The following REV1 variants were observed in gnomAD, a reference collection of about 807,000 sequenced individuals.
The protein encoded by REV1 is translesion synthesis protein REV1.
In REV1, 42 loss-of-function variants were observed where a neutral mutation model predicts 137.4. That is an observed-to-expected ratio of 0.31 (90% CI 0.24 to 0.40). The LOEUF (loss-of-function observed/expected upper bound fraction) is 0.40, where lower values mean the gene tolerates loss of function less well. REV1 is among the 10% of genes least tolerant of loss of function. The pLI is 1.00. For missense variants in REV1, 1,282 were observed against 1,490.1 expected (o/e 0.86, Z 2.30); for synonymous variants, 524 against 519.2 (o/e 1.01, Z -0.12).
chr2:99,466,091 G>T (rs972876970), intron 1 of REV1, among the ~76,000 whole-genome samples: 1 of 151,730 alleles, frequency 6.6e-6, no homozygotes, highest in Non-Finnish European at 1.5e-5. Context: ...ACAGGTGCCC[G>T]CCACCACGCC....
At chr2:99,412,285 T>C (rs1392334163) in intron 13 of REV1, among the ~76,000 whole-genome samples, 1 of 117,492 alleles carries the variant, frequency 8.5e-6, no homozygotes, top group Non-Finnish European at 1.8e-5. Context: ...AAAAAAAACA[T>C]ATCCAAATCC....
chr2:99,443,413 A>G (rs1681762663), intron 4 of REV1, among the ~76,000 whole-genome samples: 1 of 152,226 alleles, frequency 6.6e-6, no homozygotes, highest in African/African-American at 2.4e-5. Context: ...ATTTTCTTAA[A>G]TGGTGTCACA....
chr2:99,474,307 A>C, intron 1 of REV1, among the ~76,000 whole-genome samples: 1 of 152,212 alleles, frequency 6.6e-6, no homozygotes, highest in East Asian at 1.9e-4. Context: ...AGGGTAGAGA[A>C]GCTAAAAAGT....
chr2:99,410,521 A>G (rs1487868947), intron 14 of REV1, among the ~76,000 whole-genome samples, 174 bp downstream of exon 14: 2 of 152,198 alleles, frequency 1.3e-5, no homozygotes, highest in African/African-American at 4.8e-5. Context: ...CGCTGAAACC[A>G]AGTGCATTAA....
intron 3 of REV1, among the ~76,000 whole-genome samples, chr2:99,454,416 G>T (rs2105013185): frequency 6.6e-6 from 1 of 151,810 alleles, no homozygotes; most frequent in Admixed American, 6.5e-5. Flanking sequence ...TGGATGTGGT[G>T]GCATGCGCCT....
At chr2:99,402,196 T>C (rs773448550) in intron 22 of REV1, 48 bp downstream of exon 22, 2 of 785,932 alleles carry the variant, frequency 2.5e-6, no homozygotes, top group South Asian at 1.6e-5. Flanking sequence ...CCCTCAGCCA[T>C]TGTGACATGC....
At chr2:99,414,290 G>A (rs1342866413) in intron 12 of REV1, among the ~76,000 whole-genome samples, 3 of 152,160 alleles carry the variant, frequency 2.0e-5, no homozygotes, top group African/African-American at 7.2e-5. Flanking sequence ...TATAACACAA[G>A]GTTAGGAAGT....
rs766655273 is a variant in REV1, at chr2:99,424,181, G to C, written c.1647C>G (p.Val549=). The C allele has an allele frequency of 6.2e-7, 1 of 1,613,710 alleles. No homozygotes were observed. The highest frequency in any genetic ancestry group is 8.5e-7 in the Non-Finnish European group (1 of 1,179,842). Residue 549 remains valine, a synonymous_variant, in exon 10 of 23, where the codon GTC becomes GTG. Transcript: ENST00000258428. ...CCAATGTTTCATACAATGTTTGTGC[G>C]ACTTCCTTATATGCATGAAAATCGT... is the stretch of plus-strand genomic sequence containing the variant. ...VPYDFHAYKE[V]AQTLYETLAS... is the part of the protein sequence containing the mutation.
chr2:99,477,552 T>C (rs998711515), intron 1 of REV1, among the ~76,000 whole-genome samples: 1 of 152,250 alleles, frequency 6.6e-6, no homozygotes, highest in African/African-American at 2.4e-5. Context: ...GCTTAGCCTG[T>C]ACCCTAATGC....
At chr2:99,405,568 G>A (rs1676167556) in intron 17 of REV1, 1 of 183,836 alleles carries the variant, frequency 5.4e-6, no homozygotes, top group Non-Finnish European at 1.1e-5. Flanking sequence ...TTCGACATAA[G>A]GCCTCTACTT....
At position 99,424,192 on chromosome 2, in the gene REV1, A is replaced by G. The variant is rs1357310701; in HGVS notation, c.1636T>C (p.Tyr546His). 1.2e-6 allele frequency: 2 copies of G among 1,613,994 alleles called. No homozygotes were observed. The highest frequency in any genetic ancestry group is 1.7e-6 in the Non-Finnish European group (2 of 1,179,864). ...LQAVPYDFHA[Y>H]KEVAQTLYET... ...TACAATGTTTGTGCGACTTCCTTAT[A>G]TGCATGAAAATCGTATGGAACAGCT... The change falls in exon 10 of 23, where the codon TAT becomes CAT. Residue 546 changes from tyrosine (Y) to histidine (H), a missense_variant. Transcript: ENST00000258428.
At chr2:99,471,947 C>A (rs1005358553) in intron 1 of REV1, among the ~76,000 whole-genome samples, 1 of 149,178 alleles carries the variant, frequency 6.7e-6, no homozygotes, top group Non-Finnish European at 1.5e-5. Context: ...ATTGGGCCCC[C>A]GAGCCCTGTT....
At chr2:99,447,024 A>G (rs537689283) in intron 4 of REV1, among the ~76,000 whole-genome samples, 30 of 152,288 alleles carry the variant, frequency 2.0e-4, no homozygotes, top group Admixed American at 2.6e-4. Context: ...AATCAATACT[A>G]TATCATTGAT....
chr2:99,468,874 G>A (rs1685100453), intron 1 of REV1, among the ~76,000 whole-genome samples: 1 of 151,852 alleles, frequency 6.6e-6, no homozygotes. Flanking sequence ...AATCGAGTGA[G>A]ACTACACACG....
chr2:99,432,976 G>A (rs1401101204), intron 8 of REV1, among the ~76,000 whole-genome samples: 1 of 152,188 alleles, frequency 6.6e-6, no homozygotes, highest in African/African-American at 2.4e-5. Context: ...AAAAGGACGT[G>A]TGTAACAAGA....
chr2:99,440,726 A>C (rs372220834), intron 5 of REV1, among the ~76,000 whole-genome samples: 10 of 152,352 alleles, frequency 6.6e-5, no homozygotes, highest in African/African-American at 2.4e-4. Flanking sequence ...AAATGTACAA[A>C]ATGTACTGAA....
At position 99,429,241 on chromosome 2, in the gene REV1, G is replaced by A. The variant is rs530617808; in HGVS notation, c.1547+599C>T. On this transcript the variant is annotated intron_variant, in intron 9 of 22. Transcript: ENST00000258428. ...AATTATGAGGAAGATATATATATAT[G>A]AGTGTGTGTGTGTTTCTTCCTATAC... Among the ~76,000 whole-genome samples the A allele has an allele frequency of 7.2e-5, 11 of 152,092 alleles. No homozygotes were observed. In the East Asian group the frequency reaches 2.1e-3, roughly 29 times the overall value.
chr2:99,419,775 T>C (rs1238313358), intron 11 of REV1, among the ~76,000 whole-genome samples: 1 of 152,214 alleles, frequency 6.6e-6, no homozygotes, highest in African/African-American at 2.4e-5. Context: ...CACCAAGCCC[T>C]GAGAAGGGGC....
intron 1 of REV1, among the ~76,000 whole-genome samples, chr2:99,482,688 T>C (rs1294935312): frequency 6.6e-6 from 1 of 152,174 alleles, no homozygotes; most frequent in Non-Finnish European, 1.5e-5. Flanking sequence ...ACGTTGTGTT[T>C]GCTTCGGCTG....
Sources: gnomAD v4.1 joint callset for allele counts (sites outside exome capture counted in the v4.1 genomes callset) on GRCh38, gnomAD v4.1.1 for gene constraint, MANE v1.5 for transcripts, NCBI Gene and HGNC (gene_info 2026-07-23, HGNC 2026-07-21) for gene names.